SCFD2: variants seen among roughly 807,000 people sequenced by gnomAD.
SCFD2 encodes the protein sec1 family domain containing 2.
SCFD2 carries 54 observed loss-of-function variants against 58.9 expected under a neutral mutation model. That is an observed-to-expected ratio of 0.92 (90% confidence interval 0.74 to 1.15). SCFD2 has a LOEUF of 1.15. Ranked by LOEUF, SCFD2 falls within the 50% of genes most tolerant of loss-of-function variation. SCFD2 has a pLI of 0.00. For missense variants in SCFD2, 805 were observed against 836.6 expected, an observed-to-expected ratio of 0.96 and a Z score of 0.47; for synonymous variants, 321 against 335.9, an observed-to-expected ratio of 0.96 and a Z score of 0.49.
chr4:52,945,845 T>C (rs1404112301), intron 5 of SCFD2: 1 of 152,222 alleles, frequency 6.6e-6, no homozygotes, highest in African/African-American at 2.4e-5. Flanking sequence ...ACAGAAAGAC[T>C]CATGAGAATT....
intron 5 of SCFD2, among the ~76,000 whole-genome samples, chr4:53,136,072 C>G (rs1725928299): frequency 6.6e-6 from 1 of 152,144 alleles, no homozygotes. Flanking sequence ...ACAACTGTAT[C>G]TACAAATATT....
intron 5 of SCFD2, among the ~76,000 whole-genome samples, chr4:53,047,909 C>T (rs1256782211): frequency 2.6e-5 from 4 of 152,128 alleles, no homozygotes; most frequent in South Asian, 2.1e-4. Context: ...GACAGCTCTT[C>T]GACCTGACAG....
chr4:52,876,253 C>T (rs1245896402), intron 8 of SCFD2, among the ~76,000 whole-genome samples: 2 of 152,080 alleles, frequency 1.3e-5, no homozygotes, highest in East Asian at 1.9e-4. Context: ...TACATAAGAT[C>T]GTGTATGTGG....
intron 3 of SCFD2, among the ~76,000 whole-genome samples, chr4:53,305,552 T>C (rs1450124495): frequency 1.3e-5 from 2 of 152,196 alleles, no homozygotes; most frequent in Non-Finnish European, 2.9e-5. Flanking sequence ...AGATGTAAAA[T>C]AATGCCACTC....
chr4:52,982,047 A>G (rs928393265), intron 5 of SCFD2, among the ~76,000 whole-genome samples: 1 of 152,180 alleles, frequency 6.6e-6, no homozygotes, highest in Non-Finnish European at 1.5e-5. Context: ...TGGATCAAGG[A>G]TGACTCTTAT....
chr4:53,300,902 G>C (rs148570536), intron 3 of SCFD2, among the ~76,000 whole-genome samples: 3 of 152,150 alleles, frequency 2.0e-5, no homozygotes, highest in Non-Finnish European at 4.4e-5. Flanking sequence ...TGAAACCAAC[G>C]ACAACAAAGA....
intron 4 of SCFD2, among the ~76,000 whole-genome samples, chr4:53,232,252 T>A (rs552501445): frequency 2.6e-5 from 4 of 152,262 alleles, no homozygotes; most frequent in African/African-American, 9.6e-5. Context: ...ACCATCCCTA[T>A]GTGGACGAAC....
At chr4:52,958,609 T>C (rs1234205469) in intron 5 of SCFD2, among the ~76,000 whole-genome samples, 4 of 152,084 alleles carry the variant, frequency 2.6e-5, no homozygotes, top group Non-Finnish European at 4.4e-5. Flanking sequence ...ACAGCCACCA[T>C]AGGCACAAGG....
chr4:53,329,654 A>G (rs1733357740), intron 2 of SCFD2, among the ~76,000 whole-genome samples: 1 of 152,232 alleles, frequency 6.6e-6, no homozygotes, highest in Non-Finnish European at 1.5e-5. Flanking sequence ...AAAAAACAGA[A>G]CAGAAAAAGT....
intron 5 of SCFD2, among the ~76,000 whole-genome samples, chr4:53,056,142 T>TC (rs397993359): frequency 1.3e-5 from 2 of 150,260 alleles, no homozygotes; most frequent in Non-Finnish European, 3.0e-5. Flanking sequence ...TTTTTTTTTT[T>TC]CAGGTCATAG....
At chr4:52,900,101 T>C (rs2109463291) in intron 7 of SCFD2, among the ~76,000 whole-genome samples, 1 of 152,320 alleles carries the variant, frequency 6.6e-6, no homozygotes, top group East Asian at 1.9e-4. Context: ...TTGAACTTCC[T>C]CCTTTAGCTC....
At chr4:52,942,249 G>T (rs749394885) in intron 5 of SCFD2, among the ~76,000 whole-genome samples, 3 of 152,216 alleles carry the variant, frequency 2.0e-5, no homozygotes, top group Non-Finnish European at 4.4e-5. Flanking sequence ...TTTGGCAAAA[G>T]ATTAGCTTTT....
chr4:52,884,386 C>A (rs1718685728), intron 8 of SCFD2, among the ~76,000 whole-genome samples: 2 of 151,994 alleles, frequency 1.3e-5, no homozygotes, highest in South Asian at 4.2e-4. Flanking sequence ...ATAACACCCC[C>A]AGAGTCAAGT....
intron 4 of SCFD2, among the ~76,000 whole-genome samples, chr4:53,223,214 C>A (rs531699174): frequency 6.6e-6 from 1 of 151,970 alleles, no homozygotes; most frequent in Non-Finnish European, 1.5e-5. Flanking sequence ...GGAAATTTAC[C>A]CATATGTAAT....
At chr4:53,349,757 T>C (rs1238698361) in intron 2 of SCFD2, among the ~76,000 whole-genome samples, 1 of 152,226 alleles carries the variant, frequency 6.6e-6, no homozygotes, top group Non-Finnish European at 1.5e-5. Flanking sequence ...TTTGTTCTAC[T>C]ACACTTCTAA....
At chr4:53,054,959 T>C (rs1011546246) in intron 5 of SCFD2, among the ~76,000 whole-genome samples, 2 of 152,092 alleles carry the variant, frequency 1.3e-5, no homozygotes, top group African/African-American at 4.8e-5. Flanking sequence ...TGGCCTGAAG[T>C]CCAACTTTTA....
intron 5 of SCFD2, chr4:52,957,674 C>T (rs1560493609): frequency 6.6e-6 from 1 of 152,214 alleles, no homozygotes; most frequent in Non-Finnish European, 1.5e-5. Flanking sequence ...AGGGAGGTTA[C>T]TCGTGGAGAT....
At chr4:53,023,046 T>A (rs1020104626) in intron 5 of SCFD2, among the ~76,000 whole-genome samples, 2 of 152,116 alleles carry the variant, frequency 1.3e-5, no homozygotes, top group Admixed American at 6.6e-5. Flanking sequence ...GGCAATTGAT[T>A]TAATTTATGG....
At chr4:53,278,105 G>A (rs1175598376) in intron 3 of SCFD2, among the ~76,000 whole-genome samples, 2 of 151,808 alleles carry the variant, frequency 1.3e-5, no homozygotes, top group Non-Finnish European at 2.9e-5. Context: ...AGTGGCTCAC[G>A]CCTGTAATCC....
Sources: allele counts gnomAD v4.1 joint callset (sites outside exome capture counted in the v4.1 genomes callset), GRCh38; gene constraint gnomAD v4.1.1; transcripts MANE v1.5; gene names NCBI Gene and HGNC (gene_info 2026-07-23, HGNC 2026-07-21).